Variants in RB1 observed in about 807,000 individuals in gnomAD.
RB1 encodes the protein retinoblastoma-associated protein.
Under a neutral mutation model 135.4 loss-of-function variants are expected in RB1, and 18 were observed. The observed-to-expected ratio is 0.13, with a 90% CI of 0.09 to 0.20. RB1 has a LOEUF of 0.20. RB1 is among the 10% of genes least tolerant of loss of function. The pLI, the probability that RB1 is intolerant of heterozygous loss-of-function variation, is 1.00. For synonymous variants in RB1, 365 were observed against 373.2 expected (o/e 0.98, Z 0.25); for missense variants, 868 against 1,110.0 (o/e 0.78, Z 3.10).
At chr13:48,412,849 C>T (rs757994039) in intron 17 of RB1, 13 of 198,580 alleles carry the variant, frequency 6.5e-5, no homozygotes, top group African/African-American at 1.2e-4. Context: ...TTCTTTATGC[C>T]TCAGAATGTT....
intron 17 of RB1, among the ~76,000 whole-genome samples, chr13:48,433,622 T>C (rs1241359007): frequency 6.6e-6 from 1 of 151,992 alleles, no homozygotes; most frequent in Non-Finnish European, 1.5e-5. Context: ...GACAAAAGCA[T>C]AATTGTTTCT....
chr13:48,374,283 C>G lies in RB1; in HGVS notation c.1215+791C>G, dbSNP rs978128477. 2.6e-5 allele frequency among the ~76,000 whole-genome samples: 4 copies of G among 152,278 alleles called. No individual in the cohort carries two copies. In the East Asian group the frequency reaches 7.7e-4, roughly 29 times the overall value. ...GAAAGAGAGAGAATGAAACTATCAT[C>G]TATATTGCTTGCTTGCTCCTTCACT... is the stretch of plus-strand genomic sequence containing the variant. On this transcript the variant is annotated intron_variant, in intron 12 of 26. Coordinates refer to ENST00000267163, the MANE Select transcript of RB1 (RefSeq NM_000321.3).
intron 9 of RB1, among the ~76,000 whole-genome samples, chr13:48,365,886 T>C (rs1232324565): frequency 2.6e-5 from 4 of 152,202 alleles, no homozygotes; most frequent in African/African-American, 9.7e-5. Flanking sequence ...AAAAAAGTAT[T>C]CACAGGGTTC....
intron 2 of RB1, 90 bp from the exon 3 acceptor site, chr13:48,342,509 A>G: frequency 1.2e-6 from 1 of 822,012 alleles, no homozygotes; most frequent in Non-Finnish European, 2.1e-6. Flanking sequence ...TATGCTGAAT[A>G]AGAAAAAATC....
intron 17 of RB1, chr13:48,411,847 A>C: frequency 6.2e-7 from 1 of 1,613,706 alleles, no homozygotes; most frequent in Non-Finnish European, 8.5e-7. Context: ...GGAATAAAAA[A>C]TCCCACTATT....
rs530500322 is a variant in RB1, at chr13:48,405,145, C to CA, written c.1695+23708dup. ...TCACACCAGAGCAGAGAGAAAAATG[C>CA]AAAAAATCCTACGATGCAACAAGCC... On this transcript the variant is annotated intron_variant, in intron 17 of 26. Coordinates refer to ENST00000267163, the MANE Select transcript of RB1 (RefSeq NM_000321.3). 6.6e-5 allele frequency among the ~76,000 whole-genome samples: 10 copies of CA among 152,140 alleles called. No individual in the cohort carries two copies. In the South Asian group the frequency reaches 2.1e-3, roughly 32 times the overall value.
At chr13:48,442,155 C>G (rs184762650) in intron 17 of RB1, among the ~76,000 whole-genome samples, 54 of 152,238 alleles carry the variant, frequency 3.5e-4, no homozygotes, top group Non-Finnish European at 5.7e-4. Flanking sequence ...CTGTTTCTCA[C>G]ATTGTATTAG....
chr13:48,411,363 T>C, intron 17 of RB1: 1 of 1,572,842 alleles, frequency 6.4e-7, no homozygotes. Flanking sequence ...GAAAGTTCTG[T>C]CCCAGTGAGT....
intron 3 of RB1, among the ~76,000 whole-genome samples, chr13:48,344,326 A>G (rs141902829): frequency 2.0e-5 from 3 of 152,292 alleles, no homozygotes; most frequent in Admixed American, 1.3e-4. Flanking sequence ...TGTATCTCTG[A>G]CAGGAGGGTG....
At chr13:48,369,557 C>A (rs1378604785) in intron 11 of RB1, among the ~76,000 whole-genome samples, 1 of 152,208 alleles carries the variant, frequency 6.6e-6, no homozygotes, top group Non-Finnish European at 1.5e-5. Context: ...CTTAACAATG[C>A]CTAAAAGATC....
At chr13:48,462,053 G>A (rs1200739344) in intron 20 of RB1, among the ~76,000 whole-genome samples, 2 of 151,978 alleles carry the variant, frequency 1.3e-5, no homozygotes, top group African/African-American at 2.4e-5. Flanking sequence ...GGCTGGTCTC[G>A]AACTCCTGAC....
intron 17 of RB1, among the ~76,000 whole-genome samples, chr13:48,394,680 C>CA (rs1948634504): frequency 6.6e-6 from 1 of 152,206 alleles, no homozygotes; most frequent in Non-Finnish European, 1.5e-5. Flanking sequence ...CCGCTGTAGC[C>CA]AGACTGCCTT....
chr13:48,354,576 A>G (rs1439278247), intron 6 of RB1, among the ~76,000 whole-genome samples: 4 of 152,210 alleles, frequency 2.6e-5, no homozygotes, highest in Non-Finnish European at 5.9e-5. Context: ...CAGAAATAGA[A>G]AAAACAGTCC....
intron 1 of RB1, among the ~76,000 whole-genome samples, chr13:48,304,250 G>A (rs1163243452): frequency 6.6e-6 from 1 of 152,166 alleles, no homozygotes; most frequent in South Asian, 2.1e-4. Context: ...GAGGGGTCTC[G>A]GCTTCAACTT....
At chr13:48,320,550 C>T in intron 2 of RB1, 1 of 477,402 alleles carries the variant, frequency 2.1e-6, no homozygotes. Context: ...AAAAGGTTGG[C>T]AGCGGGGTGC....
At position 48,456,335 on chromosome 13, in the gene RB1, T is replaced by A. The variant is rs768484859; in HGVS notation, c.1946T>A (p.Leu649Gln). 6.2e-7 allele frequency: 1 copy of A among 1,614,164 alleles called. No homozygotes were observed. Among genetic ancestry groups the A allele is most frequent in the Non-Finnish European group, 8.5e-7 (1 of 1,180,014 alleles). Residue 649 changes from leucine to glutamine, a missense_variant, in exon 19 of 27, where the codon CTG (leucine) becomes CAG (glutamine). Leu to Gln is a moderately radical substitution (Grantham distance 113). Coordinates refer to ENST00000267163, the MANE Select transcript of RB1 (RefSeq NM_000321.3). The stretch of plus-strand genomic sequence containing the variant: ...CCATTGAAATCTACCTCTCTTTCAC[T>A]GTTTTATAAAAAAGGTTAGTAGATG... ...QKPLKSTSLSLFYKKVYRLAY... is the reference protein window; with the variant it reads ...QKPLKSTSLSQFYKKVYRLAY...
chr13:48,373,188 A>G (rs1457110776), intron 11 of RB1, among the ~76,000 whole-genome samples: 1 of 152,186 alleles, frequency 6.6e-6, no homozygotes, highest in African/African-American at 2.4e-5. Flanking sequence ...TATCTGTTCT[A>G]TAACTATAAA....
chr13:48,446,348 T>C (rs980514855), intron 17 of RB1, among the ~76,000 whole-genome samples: 2 of 152,216 alleles, frequency 1.3e-5, no homozygotes, highest in Non-Finnish European at 2.9e-5. Context: ...CTCACTTTAT[T>C]CATTTATTCA....
intron 2 of RB1, among the ~76,000 whole-genome samples, chr13:48,332,763 TG>T (rs1185065510): frequency 6.6e-6 from 1 of 152,186 alleles, no homozygotes; most frequent in Non-Finnish European, 1.5e-5. Context: ...TTAGCTTAAT[TG>T]TAGTGCAGTA....
Sources: gnomAD v4.1 joint callset for allele counts (sites outside exome capture counted in the v4.1 genomes callset) on GRCh38, gnomAD v4.1.1 for gene constraint, MANE v1.5 for transcripts, NCBI Gene and HGNC (gene_info 2026-07-23, HGNC 2026-07-21) for gene names.